The following TTC39C variants were observed in gnomAD, a reference collection of about 807,000 sequenced individuals.
TTC39C encodes tetratricopeptide repeat domain 39C, also known as tetratricopeptide repeat protein 39C.
TTC39C carries 33 observed loss-of-function variants against 76.3 expected under a neutral mutation model. That is an observed-to-expected ratio of 0.43 (90% CI 0.33 to 0.58). The LOEUF is 0.58. TTC39C is among the 20% of genes least tolerant of loss of function. The probability of loss-of-function intolerance (pLI) is 0.04; values close to 1 mark genes in which losing one functional copy is unlikely to be tolerated. For missense variants in TTC39C, 595 were observed against 701.4 expected, an observed-to-expected ratio of 0.85 and a Z score of 1.71; for synonymous variants, 254 against 260.6, an observed-to-expected ratio of 0.97 and a Z score of 0.24.
chr18:24,014,132 C>T (rs2083415333), upstream of TTC39C, among the ~76,000 whole-genome samples: 5 of 152,220 alleles, frequency 3.3e-5, no homozygotes, highest in South Asian at 1.0e-3. Context: ...ACCCCGCCCC[C>T]GCCGCCCACC....
rs1568434498 is a variant in TTC39C at position 24,092,102 on chromosome 18, A to ATAATAAT, written c.984+9021_984+9022insTAATAAT. ...AGTGAGACTCAGTCTCAAAAAAAAA[A>ATAATAAT]AAAAAAAAAAAAAAAAAAAAAAATA... On this transcript the variant is annotated intron_variant, in intron 6 of 13. Coordinates refer to ENST00000317571, the MANE Select transcript of TTC39C (RefSeq NM_001135993.2). Among the ~76,000 whole-genome samples, 87 of 122,230 alleles carry ATAATAAT rather than the reference A, an allele frequency of 7.1e-4. 1 individual carries two copies. The highest frequency in any genetic ancestry group is 2.2e-3 in the African/African-American group (82 of 36,512). 80.2% of individuals were successfully genotyped at this position (122,230 alleles called of 152,430 possible).
At chr18:24,121,534 G>A (rs912862972) in intron 8 of TTC39C, among the ~76,000 whole-genome samples, 6 of 151,960 alleles carry the variant, frequency 3.9e-5, no homozygotes, top group Non-Finnish European at 7.4e-5. Context: ...AGCCAAGATC[G>A]CGCCATTGCA....
chr18:24,082,086 C>T (rs555887013), intron 5 of TTC39C, among the ~76,000 whole-genome samples: 2 of 144,900 alleles, frequency 1.4e-5, no homozygotes, highest in African/African-American at 5.2e-5. Context: ...GGCGCGATCT[C>T]GGCTCACTGC....
chr18:24,019,154 C>T (rs1203702550), intron 1 of TTC39C, among the ~76,000 whole-genome samples: 3 of 152,160 alleles, frequency 2.0e-5, no homozygotes, highest in Non-Finnish European at 4.4e-5. Flanking sequence ...ACGTTTGGAG[C>T]TTCTGACCCA....
intron 1 of TTC39C, among the ~76,000 whole-genome samples, chr18:24,038,291 T>C (rs1465048119): frequency 2.0e-5 from 3 of 152,180 alleles, no homozygotes; most frequent in Non-Finnish European, 4.4e-5. Flanking sequence ...TTTTTATTTT[T>C]ATTATTCTTG....
At chr18:24,104,905 A>C (rs1267945826) in intron 6 of TTC39C, among the ~76,000 whole-genome samples, 1 of 152,170 alleles carries the variant, frequency 6.6e-6, no homozygotes, top group Non-Finnish European at 1.5e-5. Flanking sequence ...CAGTAGTATT[A>C]AAAGCTCCAT....
At chr18:24,069,799 A>G (rs1599295005) in intron 4 of TTC39C, among the ~76,000 whole-genome samples, 1 of 152,332 alleles carries the variant, frequency 6.6e-6, no homozygotes, top group East Asian at 1.9e-4. Context: ...AATGTTTTCT[A>G]GGCTTAGCTT....
At chr18:24,005,467 C>T (rs554709999) in intron 1 of TTC39C, among the ~76,000 whole-genome samples, 1 of 152,054 alleles carries the variant, frequency 6.6e-6, no homozygotes. Flanking sequence ...CTGCTCTGCA[C>T]CCTGTGGTTT....
chr18:24,055,721 G>A lies in TTC39C; in HGVS notation c.168-8419G>A, dbSNP rs183185326. ...TCACTCTGCTGATTATGTTCTGTGA[G>A]GCACAGAAGTTTTAAATTTTGATGT... On this transcript the variant is annotated intron_variant, in intron 1 of 13. Transcript: ENST00000317571. 1.4e-4 allele frequency among the ~76,000 whole-genome samples: 22 copies of A among 152,192 alleles called. No individual in the cohort carries two copies. In the East Asian group the frequency reaches 3.5e-3, roughly 24 times the overall value.
intron 6 of TTC39C, among the ~76,000 whole-genome samples, chr18:24,090,417 A>C (rs2084502056): frequency 6.6e-6 from 1 of 152,198 alleles, no homozygotes; most frequent in African/African-American, 2.4e-5. Flanking sequence ...TTTTATTTCC[A>C]TAATGATACA....
chr18:24,019,319 T>C (rs771328012), intron 1 of TTC39C, among the ~76,000 whole-genome samples: 11 of 152,218 alleles, frequency 7.2e-5, no homozygotes, highest in Non-Finnish European at 1.6e-4. Flanking sequence ...ACTACCAGTT[T>C]CTGGCTGTAG....
At chr18:24,076,536 C>T (rs1746548247) in intron 4 of TTC39C, among the ~76,000 whole-genome samples, 1 of 151,980 alleles carries the variant, frequency 6.6e-6, no homozygotes, top group Non-Finnish European at 1.5e-5. Flanking sequence ...CTCCCCCAGC[C>T]TCTGCCTCCT....
intron 7 of TTC39C, among the ~76,000 whole-genome samples, chr18:24,115,549 A>G (rs1422711052): frequency 6.6e-6 from 1 of 152,216 alleles, no homozygotes; most frequent in African/African-American, 2.4e-5. Flanking sequence ...TGAGACTCCA[A>G]AGGGAAATTG....
chr18:24,075,579 G>C (rs2145750036), intron 4 of TTC39C, among the ~76,000 whole-genome samples: 1 of 151,452 alleles, frequency 6.6e-6, no homozygotes, highest in African/African-American at 2.4e-5. Context: ...AGCTACTCAG[G>C]AGGCTGAGGT....
rs1555779358 is a variant in TTC39C, at chr18:24,134,257, G to GTTGTTTTTTTTTTTTTTTTTTTTTTTT, written c.*1685_*1686insGTTTTTTTTTTTTTTTTTTTTTTTTTT. On this transcript the variant is annotated 3_prime_UTR_variant, in exon 14 of 14. Coordinates refer to ENST00000317571, the MANE Select transcript of TTC39C (RefSeq NM_001135993.2). ...TGGTGCCCAAAAATATTGGACATCT[G>GTTGTTTTTTTTTTTTTTTTTTTTTTTT]TTTTTTGTTTTTTTTTTTTTTTTTT... 3 of 48,688 alleles carry GTTGTTTTTTTTTTTTTTTTTTTTTTTT rather than the reference G, an allele frequency of 6.2e-5. 1 individual carries two copies. The highest frequency in any genetic ancestry group is 5.7e-4 in the Admixed American group (2 of 3,498). The allele number at this position is 48,688 out of a possible 1,614,324, so 3.0% of individuals were successfully genotyped here.
chr18:23,997,886 A>G (rs1207987826), intron 1 of TTC39C, among the ~76,000 whole-genome samples: 2 of 151,966 alleles, frequency 1.3e-5, no homozygotes, highest in African/African-American at 2.4e-5. Context: ...AAAAGAAAAA[A>G]AAAAAAAGAA....
At position 24,035,822 on chromosome 18, in the gene TTC39C, T is replaced by A. The variant is rs538523433; in HGVS notation, c.167+20784T>A. Among the ~76,000 whole-genome samples the A allele has an allele frequency of 7.2e-5, 11 of 152,356 alleles. No homozygotes were observed. In the South Asian group the frequency reaches 2.3e-3, roughly 32 times the overall value. ...TATCTGTATTTTCTGTTTTTGTGTG[T>A]GCCTTTGGTATCACATCCAAGAAAC... On this transcript the variant is annotated intron_variant, in intron 1 of 13. Transcript: ENST00000317571.
intron 11 of TTC39C, among the ~76,000 whole-genome samples, chr18:24,129,942 C>G (rs2085102991): frequency 2.0e-5 from 3 of 152,094 alleles, no homozygotes; most frequent in Non-Finnish European, 4.4e-5. Flanking sequence ...TAGCAAGATA[C>G]AGTCAAGACG....
chr18:24,113,636 G>A (rs369639865), intron 6 of TTC39C: 88 of 702,232 alleles, frequency 1.3e-4, no homozygotes, highest in Non-Finnish European at 1.9e-4. Context: ...CTGTCAGGTC[G>A]TCTGGCTGTT....
Sources: gnomAD v4.1 joint callset for allele counts (sites outside exome capture counted in the v4.1 genomes callset) on GRCh38, gnomAD v4.1.1 for gene constraint, MANE v1.5 for transcripts, NCBI Gene and HGNC (gene_info 2026-07-23, HGNC 2026-07-21) for gene names.